The following UHRF2 variants were observed in gnomAD, a reference collection of about 807,000 sequenced individuals.
The protein encoded by UHRF2 is ubiquitin like with PHD and ring finger domains 2.
A neutral mutation model predicts 96.8 loss-of-function variants in UHRF2; 23 were observed. That is an observed-to-expected ratio of 0.24 (90% confidence interval 0.17 to 0.34). The LOEUF (loss-of-function observed/expected upper bound fraction) is 0.34, where lower values mean the gene tolerates loss of function less well. Among genes scored for constraint, UHRF2 ranks in the 10% least tolerant of loss-of-function variants. The pLI, the probability that UHRF2 is intolerant of heterozygous loss-of-function variation, is 1.00. For missense variants in UHRF2, 685 were observed against 981.5 expected (o/e 0.70, Z 4.04); for synonymous variants, 385 against 332.6 (o/e 1.16, Z -1.72).
chr9:6,501,907 G>A (rs766291641), intron 14 of UHRF2, among the ~76,000 whole-genome samples: 6 of 152,230 alleles, frequency 3.9e-5, no homozygotes, highest in Non-Finnish European at 8.8e-5. Context: ...AGCAATTACA[G>A]ATGGAGGAAA....
intron 6 of UHRF2, among the ~76,000 whole-genome samples, chr9:6,481,329 A>G (rs1823915262): frequency 6.6e-6 from 1 of 152,178 alleles, no homozygotes; most frequent in East Asian, 1.9e-4. Context: ...TAATGACAGG[A>G]ACTTCAAATT....
chr9:6,442,983 A>G (rs796428411), intron 3 of UHRF2, among the ~76,000 whole-genome samples: 10 of 152,282 alleles, frequency 6.6e-5, no homozygotes, highest in African/African-American at 2.4e-4. Context: ...TTATTGCTTT[A>G]TTTAACTTAG....
At chr9:6,438,369 G>A (rs550628368) in intron 3 of UHRF2, among the ~76,000 whole-genome samples, 1 of 152,328 alleles carries the variant, frequency 6.6e-6, no homozygotes, top group South Asian at 2.1e-4. Context: ...GACCTGTAAT[G>A]ACAGCATGTC....
Position 6,413,495 on chromosome 9 carries a change from G to C in UHRF2, c.5G>C (p.Trp2Ser). 1 of 1,564,360 alleles carries C rather than the reference G, an allele frequency of 6.4e-7. No homozygotes were observed. The highest frequency in any genetic ancestry group is 8.7e-7 in the Non-Finnish European group (1 of 1,155,918). The change falls in exon 1 of 16, where the codon TGG becomes TCG. Residue 2 changes from tryptophan to serine, a missense_variant. Coordinates refer to ENST00000276893, the MANE Select transcript of UHRF2 (RefSeq NM_152896.3). ...GGTTCCTCTCTAGGCGCCAAGATGT[G>C]GATACAGGTTCGCACCATTGATGGC... MWIQVRTIDGSK... is the reference protein window; with the variant it reads MSIQVRTIDGSK...
chr9:6,503,085 C>T (rs1816385471), intron 14 of UHRF2, among the ~76,000 whole-genome samples: 1 of 152,176 alleles, frequency 6.6e-6, no homozygotes, highest in Admixed American at 6.5e-5. Context: ...ACCTCCACCT[C>T]CTGGGTTCAA....
intron 3 of UHRF2, among the ~76,000 whole-genome samples, chr9:6,457,075 T>C (rs1396284527): frequency 1.3e-5 from 2 of 152,226 alleles, no homozygotes; most frequent in Non-Finnish European, 2.9e-5. Context: ...GGGGACAGCA[T>C]TGAATCTATA....
intron 4 of UHRF2, among the ~76,000 whole-genome samples, chr9:6,472,381 A>T (rs1823297043): frequency 6.6e-6 from 1 of 152,270 alleles, no homozygotes; most frequent in Non-Finnish European, 1.5e-5. Flanking sequence ...TAACATGCTT[A>T]CAAGGAAAAC....
At chr9:6,462,503 C>A (rs1822606443) in intron 4 of UHRF2, among the ~76,000 whole-genome samples, 1 of 152,090 alleles carries the variant, frequency 6.6e-6, no homozygotes, top group Non-Finnish European at 1.5e-5. Flanking sequence ...AGGAGAAAGC[C>A]CCTAAATAAA....
At chr9:6,457,895 C>T (rs986058671) in intron 3 of UHRF2, among the ~76,000 whole-genome samples, 1 of 152,164 alleles carries the variant, frequency 6.6e-6, no homozygotes, top group African/African-American at 2.4e-5. Flanking sequence ...ATATATGCTG[C>T]TGGATTCGGT....
In UHRF2 at chr9:6,428,533, C is replaced by CTTTTTTTTTTTTTTTTTTTTTTTTTTTTT. The variant is rs1171172143; in HGVS notation, c.385-5371_385-5343dup. Among the ~76,000 whole-genome samples the CTTTTTTTTTTTTTTTTTTTTTTTTTTTTT allele has an allele frequency of 1.5e-4, 10 of 65,418 alleles. 1 individual carries two copies. The highest frequency in any genetic ancestry group is 6.0e-4 in the East Asian group (1 of 1,670). 42.9% of individuals were successfully genotyped at this position (65,418 alleles called of 152,430 possible). A position where few individuals can be genotyped will look rare whatever the true frequency, so the allele number is the denominator to read the frequency against. On this transcript the variant is annotated intron_variant, in intron 2 of 15. Transcript: ENST00000276893. ...TGTAAATGGAACCATATTGCTTTTGCTTTTTTTTTTTTTTTTTTTTTTTTT... is the reference window on the plus strand; with the variant it reads ...TGTAAATGGAACCATATTGCTTTTGCTTTTTTTTTTTTTTTTTTTTTTTTTTTTTTTTTTTTTTTTTTTTTTTTTTTTTT...
intron 2 of UHRF2, among the ~76,000 whole-genome samples, chr9:6,432,204 C>A (rs1422878265): frequency 6.6e-6 from 1 of 152,084 alleles, no homozygotes; most frequent in Non-Finnish European, 1.5e-5. Context: ...CTAAACTGTT[C>A]ATTCTTGTGT....
intron 3 of UHRF2, among the ~76,000 whole-genome samples, chr9:6,454,407 C>A (rs1476605735): frequency 6.6e-6 from 1 of 152,086 alleles, no homozygotes; most frequent in Non-Finnish European, 1.5e-5. Flanking sequence ...AGTGTTAGAT[C>A]TGTTGTGGCA....
intron 4 of UHRF2, chr9:6,468,871 A>G (rs927166985): frequency 2.8e-6 from 1 of 360,078 alleles, no homozygotes. Flanking sequence ...GCCTTGACTC[A>G]GCATAGATGC....
chr9:6,500,452 C>G (rs1325371880), intron 13 of UHRF2, 100 bp from the exon 14 acceptor site: 1 of 1,032,446 alleles, frequency 9.7e-7, no homozygotes, highest in East Asian at 2.7e-5. Context: ...TGTTGGTTAT[C>G]TTTCTGCTAA....
chr9:6,436,599 A>G (rs1820860936), intron 3 of UHRF2, among the ~76,000 whole-genome samples: 1 of 152,258 alleles, frequency 6.6e-6, no homozygotes, highest in South Asian at 2.1e-4. Context: ...GGCACAACAT[A>G]GACATAGAAT....
intron 14 of UHRF2, among the ~76,000 whole-genome samples, chr9:6,501,341 A>G (rs955006574): frequency 6.6e-6 from 1 of 152,144 alleles, no homozygotes; most frequent in African/African-American, 2.4e-5. Context: ...CTTTAATTTT[A>G]CTTATAAATT....
chr9:6,436,845 G>A (rs1360255436), intron 3 of UHRF2, among the ~76,000 whole-genome samples: 1 of 152,118 alleles, frequency 6.6e-6, no homozygotes, highest in African/African-American at 2.4e-5. Context: ...AAAATTACCT[G>A]CCCTAAATAA....
At position 6,481,897 on chromosome 9, in the gene UHRF2, A is replaced by G. The variant is rs1823950605; in HGVS notation, c.1285-95A>G. 23 of 1,540,376 alleles carry G rather than the reference A, an allele frequency of 1.5e-5. No individual in the cohort carries two copies. In the South Asian group the frequency reaches 2.6e-4, roughly 17 times the overall value. On this transcript the variant is annotated intron_variant, in intron 7 of 15. Transcript: ENST00000276893. Reference sequence around the variant, plus strand: ...TTAATATCAATGGTACTTAAATTACATAAACAGTTGGGTTCCTAGTCACAT... The same window carrying G: ...TTAATATCAATGGTACTTAAATTACGTAAACAGTTGGGTTCCTAGTCACAT...
intron 3 of UHRF2, among the ~76,000 whole-genome samples, chr9:6,439,773 A>AGTGC (rs1821055112): frequency 6.6e-6 from 1 of 152,162 alleles, no homozygotes; most frequent in African/African-American, 2.4e-5. Flanking sequence ...GTGGGCACAT[A>AGTGC]CAACTTGGCT....
Sources: allele counts gnomAD v4.1 joint callset (sites outside exome capture counted in the v4.1 genomes callset), GRCh38; gene constraint gnomAD v4.1.1; transcripts MANE v1.5; gene names NCBI Gene and HGNC (gene_info 2026-07-23, HGNC 2026-07-21).